ERG: variants seen among roughly 807,000 people sequenced by gnomAD.
ERG encodes transcriptional regulator ERG.
A neutral mutation model predicts 55.3 loss-of-function variants in ERG; 9 were observed. The ratio of observed to expected loss-of-function variants is 0.16; its 90% CI spans 0.10 to 0.28. ERG has a LOEUF of 0.28. Ranked by LOEUF, ERG falls within the 10% of genes least tolerant of loss-of-function variation. The pLI, the probability that ERG is intolerant of heterozygous loss-of-function variation, is 1.00. For missense variants in ERG, 434 were observed against 631.6 expected (o/e 0.69, Z 3.35); for synonymous variants, 223 against 237.3 (o/e 0.94, Z 0.55).
intron 1 of ERG, among the ~76,000 whole-genome samples, chr21:38,617,661 T>C (rs2060266582): frequency 1.3e-5 from 2 of 152,160 alleles, no homozygotes; most frequent in African/African-American, 2.4e-5. Context: ...ACAGGACAAG[T>C]CCTGAACTCA....
intron 1 of ERG, among the ~76,000 whole-genome samples, chr21:38,645,518 T>C (rs992937320): frequency 6.6e-6 from 1 of 152,210 alleles, no homozygotes; most frequent in Non-Finnish European, 1.5e-5. Flanking sequence ...AGACTTCAGA[T>C]CTGGGTTCCA....
At chr21:38,430,997 G>A (rs1047305465) in intron 2 of ERG, among the ~76,000 whole-genome samples, 2 of 152,174 alleles carry the variant, frequency 1.3e-5, no homozygotes, top group African/African-American at 2.4e-5. Flanking sequence ...CCTTCTTCTA[G>A]TAACTGGAGA....
chr21:38,539,426 G>T (rs2146791412), intron 2 of ERG, among the ~76,000 whole-genome samples: 1 of 152,224 alleles, frequency 6.6e-6, no homozygotes, highest in Admixed American at 6.5e-5. Flanking sequence ...GATATATCCT[G>T]GGAGATTGTA....
chr21:38,469,507 A>C (rs2059121768), intron 1 of ERG, among the ~76,000 whole-genome samples: 1 of 152,180 alleles, frequency 6.6e-6, no homozygotes, highest in Non-Finnish European at 1.5e-5. Flanking sequence ...AGTACATATA[A>C]ATATAATTAG....
At position 38,380,537 on chromosome 21, in the gene ERG, A is replaced by C; in HGVS notation, c.*2866T>G. 1 of 1,065,850 alleles carries C rather than the reference A, an allele frequency of 9.4e-7. No homozygotes were observed. The highest frequency in any genetic ancestry group is 1.6e-5 in the African/African-American group (1 of 61,218). The allele number at this position is 1,065,850 out of a possible 1,614,324, so 66.0% of individuals were successfully genotyped here. On this transcript the variant is annotated 3_prime_UTR_variant, in exon 10 of 10. Transcript: ENST00000288319. ...AGATTGTACAGGAGTCTGAGTATACATCAGGGCAAGCCAAGAGACAGGGAC... is the reference window on the plus strand; with the variant it reads ...AGATTGTACAGGAGTCTGAGTATACCTCAGGGCAAGCCAAGAGACAGGGAC...
chr21:38,478,421 C>T (rs1465047389), intron 1 of ERG, among the ~76,000 whole-genome samples: 3 of 152,136 alleles, frequency 2.0e-5, no homozygotes. Flanking sequence ...GCCCAGGATT[C>T]CACTGGCCTG....
At chr21:38,482,453 T>C (rs548429710) in intron 1 of ERG, among the ~76,000 whole-genome samples, 2 of 152,320 alleles carry the variant, frequency 1.3e-5, no homozygotes, top group South Asian at 2.1e-4. Context: ...GAAAAAAGTA[T>C]GGAGGTTCCT....
intron 2 of ERG, among the ~76,000 whole-genome samples, chr21:38,553,498 G>A (rs11088436): frequency 0.49 from 74,244 of 151,904 alleles, 19,860 homozygotes; most frequent in Non-Finnish European, 0.62. Context: ...ATAAACCAAT[G>A]GACTAGATTA....
intron 1 of ERG, among the ~76,000 whole-genome samples, chr21:38,599,621 G>C (rs922588746): frequency 6.6e-6 from 1 of 152,196 alleles, no homozygotes; most frequent in Non-Finnish European, 1.5e-5. Flanking sequence ...CATGGCCCCA[G>C]AGGCGTTTCC....
intron 2 of ERG, among the ~76,000 whole-genome samples, chr21:38,518,244 CTAT>C (rs2059567437): frequency 2.5e-5 from 2 of 80,686 alleles, no homozygotes; most frequent in Non-Finnish European, 5.0e-5. Flanking sequence ...GTGTATCTAT[CTAT>C]CTATCTATCT....
At chr21:38,521,374 T>C (rs1454100193) in intron 2 of ERG, among the ~76,000 whole-genome samples, 1 of 152,126 alleles carries the variant, frequency 6.6e-6, no homozygotes. Context: ...TTGCCCACAG[T>C]CACAGCAAGC....
chr21:38,633,677 C>T (rs1410663505), intron 1 of ERG, among the ~76,000 whole-genome samples: 1 of 152,058 alleles, frequency 6.6e-6, no homozygotes, highest in African/African-American at 2.4e-5. Context: ...GTTTTAGAAG[C>T]TTTACACATC....
At position 38,423,534 on chromosome 21, in the gene ERG, G is replaced by A. The variant is rs772334199; in HGVS notation, c.264C>T (p.Ala88=). The change falls in exon 3 of 10, where the codon GCC becomes GCT. Residue 88 remains alanine, a synonymous_variant. Transcript: ENST00000288319. ...SRNSPDECSV[A]KGGKMVGSPD... ...GGCTGCCCACCATCTTCCCGCCTTTGGCCACACTGCATTCATCAGGAGAGT... is the reference window on the plus strand; with the variant it reads ...GGCTGCCCACCATCTTCCCGCCTTTAGCCACACTGCATTCATCAGGAGAGT... The A allele has an allele frequency of 2.0e-5, 33 of 1,613,950 alleles. No homozygotes were observed. The East Asian group carries it at 2.5e-4, about 12-fold the overall frequency.
chr21:38,454,173 T>G (rs2058966981), intron 1 of ERG, among the ~76,000 whole-genome samples: 1 of 152,232 alleles, frequency 6.6e-6, no homozygotes, highest in East Asian at 1.9e-4. Context: ...TTTTAAATAA[T>G]TCATTTGAGA....
chr21:38,501,097 T>G (rs961884431), upstream of ERG, among the ~76,000 whole-genome samples: 2 of 141,876 alleles, frequency 1.4e-5, no homozygotes, highest in Non-Finnish European at 3.0e-5. Context: ...GGACGGAATC[T>G]TGCTGTCGCC....
At chr21:38,577,209 C>T (rs1420932891) in intron 1 of ERG, among the ~76,000 whole-genome samples, 2 of 152,120 alleles carry the variant, frequency 1.3e-5, no homozygotes, top group Non-Finnish European at 2.9e-5. Flanking sequence ...GAGTCCTCCC[C>T]ACATTCACAT....
At chr21:38,538,840 C>T (rs1197785702) in intron 2 of ERG, among the ~76,000 whole-genome samples, 1 of 152,020 alleles carries the variant, frequency 6.6e-6, no homozygotes, top group Non-Finnish European at 1.5e-5. Flanking sequence ...AGCTACTGTA[C>T]TTCTCCGAGA....
Position 38,473,767 on chromosome 21 carries a change from T to G in ERG, c.18+24596A>C, listed in dbSNP as rs913039839. On this transcript the variant is annotated intron_variant, in intron 1 of 9. Coordinates refer to ENST00000288319, the MANE Select transcript of ERG (RefSeq NM_182918.4). ...TTTATCTATATAAAGTGTGTGATTT[T>G]GGATCTAAACAGGCATAAATATATA... 2.7e-5 allele frequency among the ~76,000 whole-genome samples: 4 copies of G among 150,048 alleles called. 1 individual carries two copies. Among genetic ancestry groups the G allele is most frequent in the South Asian group, 4.3e-4 (2 of 4,696 alleles).
intron 2 of ERG, among the ~76,000 whole-genome samples, chr21:38,433,686 C>T (rs577281947): frequency 2.0e-5 from 3 of 152,216 alleles, no homozygotes; most frequent in East Asian, 1.9e-4. Flanking sequence ...TATCCAAGAA[C>T]GGCACTGAAT....
Sources: gnomAD v4.1 joint callset for allele counts (sites outside exome capture counted in the v4.1 genomes callset) on GRCh38, gnomAD v4.1.1 for gene constraint, MANE v1.5 for transcripts, NCBI Gene and HGNC (gene_info 2026-07-23, HGNC 2026-07-21) for gene names.